Variants in CCDC180 observed in about 807,000 individuals in gnomAD.
The protein encoded by CCDC180 is coiled-coil domain containing 180.
A neutral mutation model predicts 209.2 loss-of-function variants in CCDC180; 154 were observed. That is an observed-to-expected ratio of 0.74 (90% CI 0.65 to 0.84). The LOEUF is 0.84. Among genes scored for constraint, CCDC180 ranks in the 40% least tolerant of loss-of-function variants. The probability of loss-of-function intolerance (pLI) is 0.00; values close to 1 mark genes in which losing one functional copy is unlikely to be tolerated. For missense variants in CCDC180, 1,874 were observed against 1,997.3 expected, an observed-to-expected ratio of 0.94 and a Z score of 1.18; for synonymous variants, 778 against 749.1, an observed-to-expected ratio of 1.04 and a Z score of -0.63.
rs1446925613 is a variant in CCDC180 at position 97,366,947 on chromosome 9, G to C, written c.4189+247G>C. On this transcript the variant is annotated intron_variant, in intron 31 of 36. Transcript: ENST00000529487. The surrounding 1 kb of genome is among the most constrained non-coding windows in gnomAD (Gnocchi z 4.3). ...TGATTTGTACCTCTAAAAATATTTT[G>C]TTTCTTCTACAGATATTTTTGACAG... 1.3e-5 allele frequency among the ~76,000 whole-genome samples: 2 copies of C among 152,178 alleles called. No homozygotes were observed. The highest frequency in any genetic ancestry group is 4.8e-5 in the African/African-American group (2 of 41,448).
At chr9:97,361,925 G>T in intron 27 of CCDC180, 27 bp downstream of exon 27, 2 of 1,608,264 alleles carry the variant, frequency 1.2e-6, no homozygotes, top group Non-Finnish European at 1.7e-6. Context: ...TGCACCTAAG[G>T]CTCTGCCACC....
chr9:97,320,800 C>T (rs1389951140), intron 11 of CCDC180, among the ~76,000 whole-genome samples: 3 of 152,138 alleles, frequency 2.0e-5, no homozygotes. Context: ...TGTTGTTAGA[C>T]CCCCAACTGC....
intron 18 of CCDC180, 85 bp from the exon 19 acceptor site, chr9:97,343,255 A>G: frequency 2.2e-6 from 2 of 902,568 alleles, no homozygotes; most frequent in South Asian, 1.7e-5. Context: ...TTGGTTTACA[A>G]CCTCTGATAT....
chr9:97,365,655 G>T lies in CCDC180; in HGVS notation c.3981-18G>T, dbSNP rs749961244. On this transcript the variant is annotated intron_variant, in intron 29 of 36. Transcript: ENST00000529487. The stretch of plus-strand genomic sequence containing the variant: ...TCTAGACCAGGCCCCTCAGGGATCT[G>T]TCTCGTGTGTGTTGCAGGGATTTTA... 8.7e-6 allele frequency: 14 copies of T among 1,612,778 alleles called. No individual in the cohort carries two copies. Among genetic ancestry groups the T allele is most frequent in the Non-Finnish European group, 1.2e-5 (14 of 1,178,782 alleles).
chr9:97,330,517 A>G lies in CCDC180; in HGVS notation c.2024A>G (p.Lys675Arg), dbSNP rs905507554. 1.2e-6 allele frequency: 2 copies of G among 1,613,992 alleles called. No individual in the cohort carries two copies. Among genetic ancestry groups the G allele is most frequent in the African/African-American group, 1.3e-5 (1 of 74,898 alleles). ...GAAGAGGTGCTGGGGCAGCAGAAAA[A>G]ATCTCCACTGCATGCTAAGATGGAT... ...ITEEVLGQQKKSPLHAKMDES... is the reference protein window; with the variant it reads ...ITEEVLGQQKRSPLHAKMDES... Residue 675 changes from lysine to arginine, a missense_variant, in exon 18 of 37, where the codon AAA becomes AGA. Physicochemically the swap from Lys to Arg is conservative, Grantham distance 26. Transcript: ENST00000529487.
intron 16 of CCDC180, among the ~76,000 whole-genome samples, 164 bp downstream of exon 16, chr9:97,328,310 C>T (rs929754942): frequency 2.0e-5 from 3 of 152,194 alleles, no homozygotes; most frequent in Non-Finnish European, 4.4e-5. Flanking sequence ...GAGACCATCT[C>T]TTTCTCAGTA....
At chr9:97,361,675 T>G in intron 26 of CCDC180, 51 bp from the exon 27 acceptor site, 1 of 1,583,780 alleles carries the variant, frequency 6.3e-7, no homozygotes, top group Middle Eastern at 1.7e-4. Flanking sequence ...GCTGCCTCGC[T>G]GGCACCTGGG....
chr9:97,320,612 AATAGGGATGGCAAG>A (rs1249773450), intron 11 of CCDC180, among the ~76,000 whole-genome samples: 2 of 152,148 alleles, frequency 1.3e-5, no homozygotes, highest in Non-Finnish European at 2.9e-5. Flanking sequence ...TCCTCTGTAA[AATAGGGATGGCAAG>A]AGGAGTAATA....
Position 97,366,527 on chromosome 9 carries a change from C to T in CCDC180, c.4048-32C>T, listed in dbSNP as rs553115374. On this transcript the variant is annotated intron_variant, in intron 30 of 36. Transcript: ENST00000529487. The surrounding 1 kb of genome is among the most constrained non-coding windows in gnomAD (Gnocchi z 4.3). The stretch of plus-strand genomic sequence containing the variant: ...AGCAAGGGCCAGAGTCCCATGGAGT[C>T]CTCACCCGCACATGGTCACCCTCTC... 1 of 1,609,072 alleles carries T rather than the reference C, an allele frequency of 6.2e-7. No homozygotes were observed. Among genetic ancestry groups the T allele is most frequent in the South Asian group, 1.1e-5 (1 of 90,256 alleles).
intron 13 of CCDC180, 117 bp downstream of exon 13, chr9:97,324,020 C>T (rs1447073457): frequency 1.9e-5 from 23 of 1,240,882 alleles, no homozygotes; most frequent in Non-Finnish European, 2.3e-5. Flanking sequence ...TGTGTCCGCT[C>T]ACCCTTGTCA....
intron 19 of CCDC180, 146 bp downstream of exon 19, chr9:97,343,709 C>A: frequency 1.5e-6 from 1 of 662,452 alleles, no homozygotes; most frequent in Non-Finnish European, 2.5e-6. Flanking sequence ...GGGTGAGAAA[C>A]ACAATAAAAA....
At chr9:97,360,809 A>G (rs1239282540) in intron 26 of CCDC180, among the ~76,000 whole-genome samples, 1 of 152,068 alleles carries the variant, frequency 6.6e-6, no homozygotes, top group African/African-American at 2.4e-5. Context: ...GCAAGCCTCT[A>G]TGGGCAGAGC....
intron 10 of CCDC180, among the ~76,000 whole-genome samples, chr9:97,319,483 T>G (rs1304851725): frequency 6.6e-6 from 1 of 152,178 alleles, no homozygotes; most frequent in Non-Finnish European, 1.5e-5. Context: ...CTCTCCCTCC[T>G]TCCACCCTCC....
upstream of CCDC180, chr9:97,307,477 A>C: frequency 1.7e-6 from 1 of 588,064 alleles, no homozygotes; most frequent in Non-Finnish European, 3.1e-6. Context: ...TTGGCGGGCT[A>C]GGGAGGGGGA....
chr9:97,330,171 C>T lies in CCDC180; in HGVS notation c.1806C>T (p.Val602=). ...CCTTGTAGAACTTGGCTGGAGAAGTCATTTTCAAATTCAGGCAACCAGGTA... is the reference window on the plus strand; with the variant it reads ...CCTTGTAGAACTTGGCTGGAGAAGTTATTTTCAAATTCAGGCAACCAGGTA... ...EIFEQNLAGE[V]IFKFRQPEAH... Residue 602 remains valine, a synonymous_variant, in exon 17 of 37, where the codon GTC becomes GTT. Transcript: ENST00000529487. 6.2e-7 allele frequency: 1 copy of T among 1,613,032 alleles called. No individual in the cohort carries two copies. Among genetic ancestry groups the T allele is most frequent in the South Asian group, 1.1e-5 (1 of 91,046 alleles).
At chr9:97,351,822 A>G (rs1427531339) in intron 22 of CCDC180, among the ~76,000 whole-genome samples, 1 of 152,150 alleles carries the variant, frequency 6.6e-6, no homozygotes, top group South Asian at 2.1e-4. Flanking sequence ...ATTTGAGCCA[A>G]TAAAACAAGG....
rs1241381098 is a variant in CCDC180, at chr9:97,308,020, C to T, written c.-44C>T. On this transcript the variant is annotated 5_prime_UTR_variant, in exon 2 of 37. Transcript: ENST00000529487. ...AGACACCAAAGCCTAGACGCGTTTC[C>T]TGGACGACGGCTTCCCGGCAGGGGC... The T allele has an allele frequency of 4.3e-6, 7 of 1,610,816 alleles. No individual in the cohort carries two copies. Among genetic ancestry groups the T allele is most frequent in the South Asian group, 1.1e-5 (1 of 90,524 alleles).
chr9:97,322,113 AG>A (rs529620938), intron 11 of CCDC180, among the ~76,000 whole-genome samples: 73 of 152,298 alleles, frequency 4.8e-4, no homozygotes, highest in Admixed American at 3.2e-3. Flanking sequence ...AGCCCATCAC[AG>A]TGGCCTCACA....
At chr9:97,337,072 A>G (rs555818968) in intron 18 of CCDC180, among the ~76,000 whole-genome samples, 78 of 152,350 alleles carry the variant, frequency 5.1e-4, no homozygotes, top group African/African-American at 1.4e-3. Context: ...GACTGAGACA[A>G]TGGGGTTTTC....
Sources: gnomAD v4.1 joint callset for allele counts (sites outside exome capture counted in the v4.1 genomes callset) on GRCh38, gnomAD v4.1.1 for gene constraint, Gnocchi (gnomAD v3.1) non-coding constraint, MANE v1.5 for transcripts, NCBI Gene and HGNC (gene_info 2026-07-23, HGNC 2026-07-21) for gene names.